Variants in VSIG10L2 observed in about 807,000 individuals in gnomAD.
VSIG10L2 encodes V-set and immunoglobulin domain containing 10 like 2, also known as V-set and immunoglobulin domain-containing protein 10-like 2.
In VSIG10L2, 56 loss-of-function variants were observed where a neutral mutation model predicts 67.1. That is an observed-to-expected ratio of 0.83 (90% CI 0.67 to 1.04). The LOEUF is 1.04. Among genes scored for constraint, VSIG10L2 ranks in the 50% least tolerant of loss-of-function variants. The pLI is 0.00. For synonymous variants in VSIG10L2, 360 were observed against 396.6 expected, an observed-to-expected ratio of 0.91 and a Z score of 1.10; for missense variants, 843 against 932.8, an observed-to-expected ratio of 0.90 and a Z score of 1.25.
rs1410561967 is a variant in VSIG10L2 at position 125,947,758 on chromosome 11, T to C, written c.155T>C (p.Val52Ala). ...VSVQGVRGGS[V>A]ELACGSGPAP... Reference sequence around the variant, plus strand: ...GTCCAGGGAGTGCGAGGTGGCTCCGTGGAGCTGGCCTGTGGCTCAGGGCCT... The same window carrying C: ...GTCCAGGGAGTGCGAGGTGGCTCCGCGGAGCTGGCCTGTGGCTCAGGGCCT... The change falls in exon 2 of 12, where the codon GTG becomes GCG. Residue 52 changes from valine to alanine, a missense_variant. Val to Ala is a moderately conservative substitution (Grantham distance 64). Around this residue, in one of 2 missense-constraint regions of VSIG10L2, gnomAD observed 446 missense variants for 548.4 expected, o/e 0.81. Transcript: ENST00000686984. 1 of 1,232,366 alleles carries C rather than the reference T, an allele frequency of 8.1e-7. No individual in the cohort carries two copies. The highest frequency in any genetic ancestry group is 3.2e-5 in the East Asian group (1 of 31,688). The allele number at this position is 1,232,366 out of a possible 1,614,324, so 76.3% of individuals were successfully genotyped here. A position where few individuals can be genotyped will look rare whatever the true frequency, so the allele number is the denominator to read the frequency against.
chr11:125,954,320 G>A lies in VSIG10L2; in HGVS notation c.2020G>A (p.Ala674Thr). The A allele has an allele frequency of 5.7e-6, 7 of 1,232,170 alleles. No homozygotes were observed. Among genetic ancestry groups the A allele is most frequent in the Non-Finnish European group, 7.1e-6 (7 of 988,012 alleles). The allele number at this position is 1,232,170 out of a possible 1,614,324, so 76.3% of individuals were successfully genotyped here. Residue 674 changes from alanine to threonine, a missense_variant, in exon 8 of 12, where the codon GCC (alanine) becomes ACC (threonine). By Grantham distance (58) the Ala-to-Thr change is moderately conservative (BLOSUM62 0). This residue lies in a region of VSIG10L2 where 397 missense variants were observed against 384.4 expected (regional missense o/e 1.03). Coordinates refer to ENST00000686984, the MANE Select transcript of VSIG10L2 (RefSeq NM_001365077.2). ...LGGLDPGVLY[A>T]FRILALNHHT... ...GGGCTTGGACCCCGGGGTCCTTTAT[G>A]CCTTCCGCATCCTGGCTCTGAATCA...
chr11:125,949,157 TAAC>T (rs1945331635), intron 3 of VSIG10L2, among the ~76,000 whole-genome samples: 1 of 152,262 alleles, frequency 6.6e-6, no homozygotes, highest in Non-Finnish European at 1.5e-5. Flanking sequence ...AAAATATCCG[TAAC>T]TTCTATATTG....
In VSIG10L2 at chr11:125,952,052, C is replaced by G; in HGVS notation, c.1474C>G (p.Pro492Ala). ...CACTCACCTGCTCAGGACCCCTGACCCCCACTGCCACCTCCAGCTGGGTGA... is the reference window on the plus strand; with the variant it reads ...CACTCACCTGCTCAGGACCCCTGACGCCCACTGCCACCTCCAGCTGGGTGA... ...RGTHLLRTPD[P>A]HCHLQLEAPQ... The change falls in exon 6 of 12, where the codon CCC (proline) becomes GCC (alanine). Residue 492 changes from proline to alanine, a missense_variant. Pro to Ala is a conservative substitution (Grantham distance 27). Coordinates refer to ENST00000686984, the MANE Select transcript of VSIG10L2 (RefSeq NM_001365077.2). 6.5e-7 allele frequency: 1 copy of G among 1,534,768 alleles called. No individual in the cohort carries two copies. Among genetic ancestry groups the G allele is most frequent in the Non-Finnish European group, 8.7e-7 (1 of 1,145,882 alleles).
rs942443393 is a variant in VSIG10L2, at chr11:125,947,816, C to G, written c.213C>G (p.Pro71=). Residue 71 remains proline, a synonymous_variant, in exon 2 of 12, where the codon CCC becomes CCG. Transcript: ENST00000686984. ...APLLVLWSFT[P]LGSLVPRPVA... Reference sequence around the variant, plus strand: ...TGCTGGTCCTCTGGAGCTTCACCCCCCTGGGCTCCCTGGTTCCCCGGCCTG... The same window carrying G: ...TGCTGGTCCTCTGGAGCTTCACCCCGCTGGGCTCCCTGGTTCCCCGGCCTG... The G allele has an allele frequency of 5.8e-5, 72 of 1,232,494 alleles. No individual in the cohort carries two copies. Among genetic ancestry groups the G allele is most frequent in the Non-Finnish European group, 6.7e-5 (66 of 988,372 alleles). The allele number at this position is 1,232,494 out of a possible 1,614,324, so 76.3% of individuals were successfully genotyped here.
rs532708273 is a variant in VSIG10L2, at chr11:125,952,817, C to A, written c.1496-583C>A. Among the ~76,000 whole-genome samples, 3 of 152,360 alleles carry A rather than the reference C, an allele frequency of 2.0e-5. No individual in the cohort carries two copies. The South Asian group carries it at 6.2e-4, about 32-fold the overall frequency. On this transcript the variant is annotated intron_variant, in intron 6 of 11. Coordinates refer to ENST00000686984, the MANE Select transcript of VSIG10L2 (RefSeq NM_001365077.2). ...CAAACAGAGAAGCTGTCACACACAA[C>A]AGTTCTCACAGAATGCTTTACCTCT... is the stretch of plus-strand genomic sequence containing the variant.
Position 125,951,841 on chromosome 11 carries a change from G to T in VSIG10L2, c.1263G>T (p.Trp421Cys), listed in dbSNP as rs578002979. The T allele has an allele frequency of 2.4e-5, 36 of 1,520,278 alleles. No individual in the cohort carries two copies. The Admixed American group carries it at 6.1e-4, about 26-fold the overall frequency. The allele number at this position is 1,520,278 out of a possible 1,614,324, so 94.2% of individuals were successfully genotyped here. The change falls in exon 6 of 12, where the codon TGG becomes TGT. Residue 421 changes from tryptophan to cysteine, a missense_variant. By Grantham distance (215) the Trp-to-Cys change is radical. Around this residue, in one of 2 missense-constraint regions of VSIG10L2, gnomAD observed 446 missense variants for 548.4 expected, o/e 0.81. Coordinates refer to ENST00000686984, the MANE Select transcript of VSIG10L2 (RefSeq NM_001365077.2). ...LWEPLGRPTC[W>C]STATMGDQFI... ...AGCCTCTCGGGAGGCCTACCTGCTG[G>T]AGCACAGCCACAATGGGGGACCAGT...
At position 125,953,496 on chromosome 11, in the gene VSIG10L2, C is replaced by A; in HGVS notation, c.1592C>A (p.Ala531Asp). 1.6e-6 allele frequency: 2 copies of A among 1,232,308 alleles called. No homozygotes were observed. Among genetic ancestry groups the A allele is most frequent in the Non-Finnish European group, 2.0e-6 (2 of 988,112 alleles). 76.3% of individuals were successfully genotyped at this position (1,232,308 alleles called of 1,614,324 possible). The change falls in exon 7 of 12, where the codon GCC (alanine) becomes GAC (aspartate). Residue 531 changes from alanine to aspartate, a missense_variant. Coordinates refer to ENST00000686984, the MANE Select transcript of VSIG10L2 (RefSeq NM_001365077.2). ...TCTCTCCGCGGGGGCACACCACCTG[C>A]CCAGCTCCTCTGGCTGGGGCCTCAA... Reference protein sequence around the residue: ...ECSLRGGTPPAQLLWLGPQQQ... With the variant: ...ECSLRGGTPPDQLLWLGPQQQ...
In VSIG10L2 at chr11:125,948,568, C is replaced by G. The variant is rs1216304884; in HGVS notation, c.697C>G (p.Leu233Val). ...CAGGCTGAGCAGTGACGGGGCCTTC[C>G]TGGACGTCATTTGTGAGTCAGACTG... ...VNRLSSDGAFLDVIYGPDKPV... is the reference protein window; with the variant it reads ...VNRLSSDGAFVDVIYGPDKPV... The change falls in exon 3 of 12, where the codon CTG becomes GTG. Residue 233 changes from leucine to valine, a missense_variant. Leu to Val is a conservative substitution (Grantham distance 32). This residue lies in a region of VSIG10L2 where 446 missense variants were observed against 548.4 expected (regional missense o/e 0.81). Coordinates refer to ENST00000686984, the MANE Select transcript of VSIG10L2 (RefSeq NM_001365077.2). The G allele has an allele frequency of 8.1e-7, 1 of 1,232,188 alleles. No homozygotes were observed. Among genetic ancestry groups the G allele is most frequent in the African/African-American group, 1.6e-5 (1 of 64,446 alleles). The allele number at this position is 1,232,188 out of a possible 1,614,324, so 76.3% of individuals were successfully genotyped here. A position where few individuals can be genotyped will look rare whatever the true frequency, so the allele number is the denominator to read the frequency against.
intron 1 of VSIG10L2, chr11:125,947,365 C>G: frequency 5.2e-6 from 5 of 955,200 alleles, no homozygotes; most frequent in Non-Finnish European, 3.7e-6. Context: ...CTGGGAGTGT[C>G]TGACTTGATA....
rs1442414456 is a variant in VSIG10L2, at chr11:125,948,559, G to A, written c.688G>A (p.Gly230Arg). Residue 230 changes from glycine (G) to arginine (R), a missense_variant, in exon 3 of 12, where the codon GGG becomes AGG. Physicochemically the swap from Gly to Arg is moderately radical, Grantham distance 125 (BLOSUM62 -2). This residue lies in a region of VSIG10L2 where 446 missense variants were observed against 548.4 expected (regional missense o/e 0.81). Transcript: ENST00000686984. ...CTCCGTGAACAGGCTGAGCAGTGAC[G>A]GGGCCTTCCTGGACGTCATTTGTGA... is the stretch of plus-strand genomic sequence containing the variant. ...SNSVNRLSSD[G>R]AFLDVIYGPD... 1.2e-5 allele frequency: 15 copies of A among 1,232,134 alleles called. No individual in the cohort carries two copies. The highest frequency in any genetic ancestry group is 4.1e-5 in the South Asian group (1 of 24,308). The allele number at this position is 1,232,134 out of a possible 1,614,324, so 76.3% of individuals were successfully genotyped here. A position where few individuals can be genotyped will look rare whatever the true frequency, so the allele number is the denominator to read the frequency against.
chr11:125,950,234 C>T lies in VSIG10L2; in HGVS notation c.930C>T (p.Ala310=), dbSNP rs1945349426. The T allele has an allele frequency of 2.4e-6, 3 of 1,232,530 alleles. No individual in the cohort carries two copies. Among genetic ancestry groups the T allele is most frequent in the Non-Finnish European group, 3.0e-6 (3 of 988,252 alleles). The allele number at this position is 1,232,530 out of a possible 1,614,324, so 76.3% of individuals were successfully genotyped here. A position where few individuals can be genotyped will look rare whatever the true frequency, so the allele number is the denominator to read the frequency against. Residue 310 remains alanine (A), a synonymous_variant, in exon 4 of 12, where the codon GCC becomes GCT. Coordinates refer to ENST00000686984, the MANE Select transcript of VSIG10L2 (RefSeq NM_001365077.2). ...RVHTGLYTCL[A]RNSYLDTRTQ... ...ACACAGGCCTGTACACCTGCCTGGC[C>T]CGCAACAGCTACCTGGACACCCGCA... is the stretch of plus-strand genomic sequence containing the variant.
At position 125,956,188 on chromosome 11, in the gene VSIG10L2, A is replaced by G. The variant is rs1380007750; in HGVS notation, c.*274A>G. ...GGAGACAGGGATCTCTGGGTGTCTG[A>G]GGGCAAGTGAAAGCCATGGTACTGG... On this transcript the variant is annotated 3_prime_UTR_variant, in exon 12 of 12. Transcript: ENST00000686984. 1 of 605,124 alleles carries G rather than the reference A, an allele frequency of 1.7e-6. No homozygotes were observed. The highest frequency in any genetic ancestry group is 3.1e-6 in the Non-Finnish European group (1 of 324,286). 37.5% of individuals were successfully genotyped at this position (605,124 alleles called of 1,614,324 possible).
chr11:125,955,078 A>T lies in VSIG10L2; in HGVS notation c.2105A>T (p.Tyr702Phe). 8.1e-7 allele frequency: 1 copy of T among 1,236,404 alleles called. No individual in the cohort carries two copies. Among genetic ancestry groups the T allele is most frequent in the South Asian group, 4.1e-5 (1 of 24,574 alleles). 76.6% of individuals were successfully genotyped at this position (1,236,404 alleles called of 1,614,324 possible). ...KIPADPPFSAYPAVLGAAGTG... is the reference protein window; with the variant it reads ...KIPADPPFSAFPAVLGAAGTG... ...CTAGCGGACCCCCCCTTCAGCGCCT[A>T]CCCAGCGGTGTTGGGTGCAGCAGGC... The change falls in exon 9 of 12, where the codon TAC becomes TTC. Residue 702 changes from tyrosine (Y) to phenylalanine (F), a missense_variant. Coordinates refer to ENST00000686984, the MANE Select transcript of VSIG10L2 (RefSeq NM_001365077.2).
Position 125,947,706 on chromosome 11 carries a change from G to A in VSIG10L2, c.103G>A (p.Glu35Lys), listed in dbSNP as rs991907388. The A allele has an allele frequency of 3.2e-5, 39 of 1,228,214 alleles. No homozygotes were observed. The highest frequency in any genetic ancestry group is 1.3e-4 in the Admixed American group (3 of 23,562). The allele number at this position is 1,228,214 out of a possible 1,614,324, so 76.1% of individuals were successfully genotyped here. ...CCCAGGCCAGCCCCACCCGACCCCC[G>A]AGGCCCCTGTAGAGGAGGTGGTGTC... ...RASGQPHPTP[E>K]APVEEVVSVQ... Residue 35 changes from glutamate to lysine, a missense_variant, in exon 2 of 12, where the codon GAG becomes AAG. Physicochemically the swap from Glu to Lys is moderately conservative, Grantham distance 56. Coordinates refer to ENST00000686984, the MANE Select transcript of VSIG10L2 (RefSeq NM_001365077.2).
rs1326516259 is a variant in VSIG10L2, at chr11:125,953,446, G to C, written c.1542G>C (p.Glu514Asp). ...DVAEPRVSVL[E>D]GGEAWLECSL... ...CTGAGCCCCGCGTGTCAGTGTTGGA[G>C]GGGGGAGAGGCCTGGCTGGAGTGCT... Residue 514 changes from glutamate (E) to aspartate (D), a missense_variant, in exon 7 of 12, where the codon GAG becomes GAC. Physicochemically the swap from Glu to Asp is conservative, Grantham distance 45. Around this residue, in one of 2 missense-constraint regions of VSIG10L2, gnomAD observed 397 missense variants for 384.4 expected, o/e 1.03. Transcript: ENST00000686984. 1.6e-6 allele frequency: 2 copies of C among 1,232,178 alleles called. No individual in the cohort carries two copies. The highest frequency in any genetic ancestry group is 3.1e-4 in the Middle Eastern group (1 of 3,230). The allele number at this position is 1,232,178 out of a possible 1,614,324, so 76.3% of individuals were successfully genotyped here.
chr11:125,954,377 A>G lies in VSIG10L2; in HGVS notation c.2077A>G (p.Ile693Val), dbSNP rs1945421732. 8.1e-7 allele frequency: 1 copy of G among 1,232,002 alleles called. No individual in the cohort carries two copies. The highest frequency in any genetic ancestry group is 1.6e-5 in the African/African-American group (1 of 64,378). The allele number at this position is 1,232,002 out of a possible 1,614,324, so 76.3% of individuals were successfully genotyped here. Residue 693 changes from isoleucine (I) to valine (V), a missense_variant, in exon 8 of 12, where the codon ATA becomes GTA. Ile to Val is a conservative substitution (Grantham distance 29, BLOSUM62 3). Coordinates refer to ENST00000686984, the MANE Select transcript of VSIG10L2 (RefSeq NM_001365077.2). ...HTAGHPSEVKIPADPPFSAYP... is the reference protein window; with the variant it reads ...HTAGHPSEVKVPADPPFSAYP... ...TGCAGGACATCCCTCTGAGGTGAAG[A>G]TACCAGGTGCCAGCTAATGCCAGGG...
chr11:125,952,832 G>C (rs1489766801), intron 6 of VSIG10L2, among the ~76,000 whole-genome samples: 1 of 152,234 alleles, frequency 6.6e-6, no homozygotes, highest in Non-Finnish European at 1.5e-5. Flanking sequence ...CTCACAGAAT[G>C]CTTTACCTCT....
intron 7 of VSIG10L2, 21 bp downstream of exon 7, chr11:125,953,711 G>C (rs1051871597): frequency 8.1e-7 from 1 of 1,232,146 alleles, no homozygotes; most frequent in Non-Finnish European, 1.0e-6. Flanking sequence ...GGTTGAATGC[G>C]TGTGTGTGGT....
chr11:125,953,279 A>C (rs1432894505), intron 6 of VSIG10L2, 121 bp from the exon 7 acceptor site: 1 of 823,848 alleles, frequency 1.2e-6, no homozygotes, highest in African/African-American at 1.8e-5. Context: ...GGCCCCAGAC[A>C]AGCCTCATTG....
Sources: allele counts gnomAD v4.1 joint callset (sites outside exome capture counted in the v4.1 genomes callset), GRCh38; gene constraint gnomAD v4.1.1; regional missense constraint gnomAD v4.1.1; transcripts MANE v1.5; gene names NCBI Gene and HGNC (gene_info 2026-07-23, HGNC 2026-07-21).